ST6GALNAC3: variants seen among roughly 807,000 people sequenced by gnomAD.
ST6GALNAC3 encodes the protein alpha-N-acetylgalactosaminide alpha-2,6-sialyltransferase 3.
Under a neutral mutation model 32.7 loss-of-function variants are expected in ST6GALNAC3, and 25 were observed. That is an observed-to-expected ratio of 0.76 (90% CI 0.56 to 1.07). The LOEUF (loss-of-function observed/expected upper bound fraction) is 1.07. Ranked by LOEUF, ST6GALNAC3 falls within the 50% of genes least tolerant of loss-of-function variation. The pLI is 0.00. For missense variants in ST6GALNAC3, 355 were observed against 382.4 expected (o/e 0.93, Z 0.60); for synonymous variants, 129 against 133.1 (o/e 0.97, Z 0.21).
At chr1:76,189,722 TGGA>T (rs72156745) in intron 1 of ST6GALNAC3, among the ~76,000 whole-genome samples, 20,836 of 152,112 alleles carry the variant, frequency 0.14, 1,666 homozygotes, top group Non-Finnish European at 0.19. Context: ...TGTGGAGGTA[TGGA>T]GGAGAGAAAG....
intron 3 of ST6GALNAC3, among the ~76,000 whole-genome samples, chr1:76,478,432 T>C (rs1285892026): frequency 6.6e-6 from 1 of 152,206 alleles, no homozygotes; most frequent in Non-Finnish European, 1.5e-5. Context: ...TGGATTTCTG[T>C]TGACTCCCAG....
At chr1:76,464,574 GT>G (rs1413633812) in intron 3 of ST6GALNAC3, among the ~76,000 whole-genome samples, 2 of 152,168 alleles carry the variant, frequency 1.3e-5, no homozygotes, top group Non-Finnish European at 2.9e-5. Context: ...TATTTTAAGT[GT>G]TGCCATCTGT....
intron 3 of ST6GALNAC3, among the ~76,000 whole-genome samples, chr1:76,473,386 G>A (rs775860550): frequency 4.6e-5 from 7 of 152,174 alleles, no homozygotes; most frequent in Non-Finnish European, 8.8e-5. Context: ...TTTCTAGGTG[G>A]TGACAAATCT....
chr1:76,219,258 C>A (rs1655637333), intron 1 of ST6GALNAC3, among the ~76,000 whole-genome samples: 1 of 152,216 alleles, frequency 6.6e-6, no homozygotes, highest in Non-Finnish European at 1.5e-5. Context: ...GCTTCTGCTA[C>A]CTCCTTCAAG....
intron 1 of ST6GALNAC3, among the ~76,000 whole-genome samples, chr1:76,242,384 G>A (rs1210041814): frequency 2.6e-5 from 4 of 151,998 alleles, no homozygotes; most frequent in African/African-American, 9.7e-5. Context: ...CATCACGTCT[G>A]TAACAGAGCT....
chr1:76,453,186 C>G (rs1657530906), intron 3 of ST6GALNAC3, among the ~76,000 whole-genome samples: 1 of 152,066 alleles, frequency 6.6e-6, no homozygotes, highest in Admixed American at 6.6e-5. Flanking sequence ...CTTGGTTAAT[C>G]TTGCTAGTGG....
chr1:76,353,044 A>G (rs1230769608), intron 2 of ST6GALNAC3, among the ~76,000 whole-genome samples: 2 of 152,016 alleles, frequency 1.3e-5, no homozygotes, highest in Non-Finnish European at 2.9e-5. Context: ...CTCATCATCC[A>G]TTCTCCAAAG....
At chr1:76,616,507 T>C (rs1648300948) in intron 3 of ST6GALNAC3, among the ~76,000 whole-genome samples, 1 of 152,200 alleles carries the variant, frequency 6.6e-6, no homozygotes, top group Non-Finnish European at 1.5e-5. Flanking sequence ...TTTCTTGTGC[T>C]GGAGTAGGAA....
chr1:76,349,321 G>C (rs1648786963), intron 2 of ST6GALNAC3, among the ~76,000 whole-genome samples: 1 of 152,242 alleles, frequency 6.6e-6, no homozygotes, highest in South Asian at 2.1e-4. Context: ...TTGGCGTGGA[G>C]GAGACCACTC....
chr1:76,542,355 G>A (rs1570186975), intron 3 of ST6GALNAC3, among the ~76,000 whole-genome samples: 2 of 152,152 alleles, frequency 1.3e-5, no homozygotes, highest in Admixed American at 1.3e-4. Flanking sequence ...CTTTAGGGTG[G>A]TTGGAGGGAT....
chr1:76,606,279 A>G (rs1647540024), intron 3 of ST6GALNAC3, among the ~76,000 whole-genome samples: 1 of 152,206 alleles, frequency 6.6e-6, no homozygotes, highest in Non-Finnish European at 1.5e-5. Context: ...TGTTCATTGC[A>G]GCACCATTCA....
At chr1:76,171,819 A>AC (rs200504587) in intron 1 of ST6GALNAC3, among the ~76,000 whole-genome samples, 46 of 10,926 alleles carry the variant, frequency 4.2e-3, no homozygotes, top group African/African-American at 7.0e-3. Flanking sequence ...AACAACAACA[A>AC]AAAAAAAAAA....
At chr1:76,085,521 A>C (rs973715969) in intron 1 of ST6GALNAC3, among the ~76,000 whole-genome samples, 10 of 152,186 alleles carry the variant, frequency 6.6e-5, no homozygotes, top group African/African-American at 2.4e-4. Flanking sequence ...CCAAAGTCTC[A>C]TAGTGGGGCT....
intron 3 of ST6GALNAC3, among the ~76,000 whole-genome samples, chr1:76,622,412 A>G (rs1447587370): frequency 6.6e-6 from 1 of 151,970 alleles, no homozygotes; most frequent in African/African-American, 2.4e-5. Flanking sequence ...GCTTGGTTGG[A>G]TGAAGAAAAT....
intron 3 of ST6GALNAC3, among the ~76,000 whole-genome samples, chr1:76,439,420 G>C (rs143044172): frequency 6.6e-6 from 1 of 152,186 alleles, no homozygotes; most frequent in South Asian, 2.1e-4. Context: ...AAAAAGGTCC[G>C]GGGCTTTGAA....
At chr1:76,176,477 C>A (rs1359638494) in intron 1 of ST6GALNAC3, among the ~76,000 whole-genome samples, 1 of 152,212 alleles carries the variant, frequency 6.6e-6, no homozygotes, top group Non-Finnish European at 1.5e-5. Flanking sequence ...AATTCTAATC[C>A]TAATTGATGG....
At chr1:76,286,931 T>C (rs1205538216) in intron 1 of ST6GALNAC3, among the ~76,000 whole-genome samples, 1 of 152,192 alleles carries the variant, frequency 6.6e-6, no homozygotes, top group Non-Finnish European at 1.5e-5. Flanking sequence ...ATACACACCA[T>C]TTAAAATGCC....
At chr1:76,590,637 T>A (rs1647033086) in intron 3 of ST6GALNAC3, among the ~76,000 whole-genome samples, 1 of 152,232 alleles carries the variant, frequency 6.6e-6, no homozygotes, top group Non-Finnish European at 1.5e-5. Context: ...AATAATTTTC[T>A]TAGGCATTCA....
intron 3 of ST6GALNAC3, among the ~76,000 whole-genome samples, chr1:76,455,008 C>G (rs1367022836): frequency 6.6e-6 from 1 of 151,780 alleles, no homozygotes; most frequent in African/African-American, 2.4e-5. Context: ...TTCATTTTTA[C>G]AAACATTCAT....
Sources: allele counts gnomAD v4.1 joint callset (sites outside exome capture counted in the v4.1 genomes callset), GRCh38; gene constraint gnomAD v4.1.1; transcripts MANE v1.5; gene names NCBI Gene and HGNC (gene_info 2026-07-23, HGNC 2026-07-21).